Variants in STMN2 observed in about 807,000 individuals in gnomAD.
STMN2 encodes stathmin 2, also known as stathmin-2.
A neutral mutation model predicts 24.1 loss-of-function variants in STMN2; 2 were observed. That is an observed-to-expected ratio of 0.08 (90% CI 0.03 to 0.26). The LOEUF (loss-of-function observed/expected upper bound fraction) is 0.26. Ranked by LOEUF, STMN2 falls within the 10% of genes least tolerant of loss-of-function variation. STMN2 has a pLI of 1.00. For synonymous variants in STMN2, 83 were observed against 77.5 expected, an observed-to-expected ratio of 1.07 and a Z score of -0.37; for missense variants, 114 against 213.6, an observed-to-expected ratio of 0.53 and a Z score of 2.91.
chr8:79,650,188 T>C (rs1810304927), intron 3 of STMN2, among the ~76,000 whole-genome samples: 1 of 152,234 alleles, frequency 6.6e-6, no homozygotes, highest in Non-Finnish European at 1.5e-5. Context: ...CCTTCTATGT[T>C]AGGTACAGGT....
chr8:79,663,893 T>C (rs2920944), intron 4 of STMN2, among the ~76,000 whole-genome samples: 135,089 of 152,178 alleles, frequency 0.89, 60,085 homozygotes, highest in East Asian at 1. Flanking sequence ...CAGTTCCCAA[T>C]CCCAGGCTAG....
Position 79,664,903 on chromosome 8 carries a change from A to G in STMN2, c.*29A>G. 1 of 1,608,490 alleles carries G rather than the reference A, an allele frequency of 6.2e-7. No individual in the cohort carries two copies. The highest frequency in any genetic ancestry group is 8.5e-7 in the Non-Finnish European group (1 of 1,176,902). ...AAGGGAGGGTCTGGCACGCCCCACCAATAGTAAATCCCCCTGCCTATATTA... is the reference window on the plus strand; with the variant it reads ...AAGGGAGGGTCTGGCACGCCCCACCGATAGTAAATCCCCCTGCCTATATTA... On this transcript the variant is annotated 3_prime_UTR_variant, in exon 5 of 5. Transcript: ENST00000220876.
chr8:79,613,652 T>G, intron 1 of STMN2: 1 of 985,478 alleles, frequency 1.0e-6, no homozygotes, highest in Non-Finnish European at 1.2e-6. Flanking sequence ...GCCTTGTTTG[T>G]TCTCATTTGT....
intron 1 of STMN2, among the ~76,000 whole-genome samples, chr8:79,611,506 A>T (rs1016116762): frequency 1.2e-4 from 18 of 152,096 alleles, no homozygotes; most frequent in African/African-American, 4.3e-4. Flanking sequence ...TCGTGAGGGG[A>T]GGAAGCTACC....
intron 3 of STMN2, among the ~76,000 whole-genome samples, chr8:79,645,154 C>CAA (rs539464553): frequency 9.6e-5 from 12 of 124,742 alleles, no homozygotes; most frequent in African/African-American, 2.3e-4. Flanking sequence ...GACTCCATCT[C>CAA]AAAAAAAAAA....
intron 4 of STMN2, among the ~76,000 whole-genome samples, chr8:79,657,456 A>T (rs768756083): frequency 5.9e-5 from 9 of 152,214 alleles, no homozygotes; most frequent in African/African-American, 9.6e-5. Context: ...CAACCCACAG[A>T]ATCTCCAAGG....
At chr8:79,648,197 A>T (rs1440689982) in intron 3 of STMN2, among the ~76,000 whole-genome samples, 3 of 152,188 alleles carry the variant, frequency 2.0e-5, no homozygotes, top group African/African-American at 7.2e-5. Flanking sequence ...CAAGCAAGTG[A>T]CTTAATCTCC....
At chr8:79,636,493 T>C (rs1406070739) in intron 1 of STMN2, among the ~76,000 whole-genome samples, 3 of 152,176 alleles carry the variant, frequency 2.0e-5, no homozygotes, top group Non-Finnish European at 2.9e-5. Flanking sequence ...TTCCATCTGT[T>C]TCCTCTCTCT....
chr8:79,660,761 G>A (rs529593921), intron 4 of STMN2, among the ~76,000 whole-genome samples: 37 of 152,086 alleles, frequency 2.4e-4, no homozygotes, highest in African/African-American at 8.7e-4. Flanking sequence ...CCCAAGCAGT[G>A]TACACTGTAC....
chr8:79,617,497 G>T (rs549040177), intron 1 of STMN2, among the ~76,000 whole-genome samples: 1 of 152,356 alleles, frequency 6.6e-6, no homozygotes, highest in African/African-American at 2.4e-5. Flanking sequence ...CTCAAAGTTA[G>T]CCATTCAGTT....
At chr8:79,611,544 G>A (rs1423778821) in intron 1 of STMN2, among the ~76,000 whole-genome samples, 1 of 151,232 alleles carries the variant, frequency 6.6e-6, no homozygotes, top group Non-Finnish European at 1.5e-5. Flanking sequence ...ATGGGCTTAA[G>A]GGACATTTTG....
In STMN2 at chr8:79,616,418, T is replaced by C. The variant is rs542642869; in HGVS notation, c.19+5204T>C. ...TGATAGAATTATTTTTTGATTACAT[T>C]TTATGTAATTCTAATCCAGCTATAA... On this transcript the variant is annotated intron_variant, in intron 1 of 4. Coordinates refer to ENST00000220876, the MANE Select transcript of STMN2 (RefSeq NM_007029.4). Among the ~76,000 whole-genome samples the C allele has an allele frequency of 2.0e-3, 301 of 152,338 alleles. 1 individual carries two copies. Among genetic ancestry groups the C allele is most frequent in the African/African-American group, 6.7e-3 (278 of 41,578 alleles).
intron 1 of STMN2, among the ~76,000 whole-genome samples, chr8:79,633,328 T>C (rs1809860239): frequency 6.6e-6 from 1 of 152,196 alleles, no homozygotes; most frequent in East Asian, 1.9e-4. Context: ...GTCATAGCCT[T>C]TGAAACAAAT....
chr8:79,665,666 A>C lies in STMN2; in HGVS notation c.*792A>C, dbSNP rs1007098421. The C allele has an allele frequency of 1.3e-5, 2 of 154,368 alleles. No individual in the cohort carries two copies. The highest frequency in any genetic ancestry group is 4.8e-5 in the African/African-American group (2 of 41,530). 9.6% of individuals were successfully genotyped at this position (154,368 alleles called of 1,614,324 possible). A position where few individuals can be genotyped will look rare whatever the true frequency, so the allele number is the denominator to read the frequency against. ...AAAGTGGGCTTAATTCTCTAGTTTA[A>C]GTTCTTTTGATGGAATGAATTAATT... On this transcript the variant is annotated 3_prime_UTR_variant, in exon 5 of 5. Transcript: ENST00000220876.
intron 3 of STMN2, among the ~76,000 whole-genome samples, chr8:79,653,185 T>C (rs1480293668): frequency 1.3e-5 from 2 of 152,086 alleles, no homozygotes; most frequent in East Asian, 3.9e-4. Context: ...AAGACTAGCC[T>C]GGCCAACATG....
At chr8:79,663,802 A>T (rs1806547932) in intron 4 of STMN2, 3 of 595,684 alleles carry the variant, frequency 5.0e-6, no homozygotes. Flanking sequence ...GCCACATACT[A>T]AAAAATACTG....
chr8:79,644,550 A>G (rs946581593), intron 3 of STMN2, among the ~76,000 whole-genome samples: 1 of 152,162 alleles, frequency 6.6e-6, no homozygotes, highest in African/African-American at 2.4e-5. Context: ...TCACATGCCC[A>G]CCACTGACCT....
chr8:79,664,331 G>T (rs1806558339), intron 4 of STMN2, among the ~76,000 whole-genome samples: 1 of 152,178 alleles, frequency 6.6e-6, no homozygotes, highest in African/African-American at 2.4e-5. Flanking sequence ...GTTATGACTG[G>T]AAACGTCACT....
intron 2 of STMN2, among the ~76,000 whole-genome samples, chr8:79,639,696 C>A (rs755681365): frequency 2.6e-5 from 4 of 151,930 alleles, no homozygotes; most frequent in Admixed American, 6.6e-5. Flanking sequence ...TTCTTCAGTT[C>A]TTTTTTTAAT....
Sources: allele counts gnomAD v4.1 joint callset (sites outside exome capture counted in the v4.1 genomes callset), GRCh38; gene constraint gnomAD v4.1.1; transcripts MANE v1.5; gene names NCBI Gene and HGNC (gene_info 2026-07-23, HGNC 2026-07-21).